Variants in NOC3L observed in about 807,000 individuals in gnomAD.
The protein encoded by NOC3L is NOC3 like DNA replication regulator, also known as nucleolar complex protein 3 homolog.
NOC3L carries 85 observed loss-of-function variants against 102.5 expected under a neutral mutation model. The ratio of observed to expected loss-of-function variants is 0.83; its 90% confidence interval spans 0.70 to 0.99. The LOEUF (loss-of-function observed/expected upper bound fraction) is 0.99. Ranked by LOEUF, NOC3L falls within the 50% of genes least tolerant of loss-of-function variation. The pLI is 0.00. For synonymous variants in NOC3L, 303 were observed against 309.4 expected, an observed-to-expected ratio of 0.98 and a Z score of 0.22; for missense variants, 878 against 914.9, an observed-to-expected ratio of 0.96 and a Z score of 0.52.
chr10:94,338,601 C>A lies in NOC3L; in HGVS notation c.2091+7G>T. 1 of 1,519,622 alleles carries A rather than the reference C, an allele frequency of 6.6e-7. No homozygotes were observed. Among genetic ancestry groups the A allele is most frequent in the Non-Finnish European group, 8.9e-7 (1 of 1,128,402 alleles). 94.1% of individuals were successfully genotyped at this position (1,519,622 alleles called of 1,614,324 possible). On this transcript the variant is annotated splice_region_variant and intron_variant, in intron 18 of 20. Coordinates refer to ENST00000371361, the MANE Select transcript of NOC3L (RefSeq NM_022451.11). Reference sequence around the variant, plus strand: ...CCCAAAAAGAAAAAAACCAGGGCCACTCTTACCCGCAGAGCATGCAGTTCC... The same window carrying A: ...CCCAAAAAGAAAAAAACCAGGGCCAATCTTACCCGCAGAGCATGCAGTTCC...
rs138862117 is a variant in NOC3L, at chr10:94,360,024, A to C, written c.217+1641T>G. On this transcript the variant is annotated intron_variant, in intron 2 of 20. Transcript: ENST00000371361. ...GTGTTCATAAACAGATGAATGGATA[A>C]AGAAAATACGGGGCCAGGCGCGGTG... is the stretch of plus-strand genomic sequence containing the variant. 7.3e-3 allele frequency among the ~76,000 whole-genome samples: 1,110 copies of C among 152,318 alleles called. 7 individuals are homozygous for C. The highest frequency in any genetic ancestry group is 0.011 in the Non-Finnish European group (765 of 68,018).
Position 94,340,450 on chromosome 10 carries a change from T to A in NOC3L, c.1691A>T (p.His564Leu). ...TATCATACCTTGTCCAGAAAGAATA[T>A]GAAAAGCAGTCTGGACACAGTGAAG... ...ESLHCVQTAF[H>L]ILSGQGDVLN... Residue 564 changes from histidine to leucine, a missense_variant, in exon 15 of 21, where the codon CAT becomes CTT. Transcript: ENST00000371361. The A allele has an allele frequency of 1.4e-6, 2 of 1,384,078 alleles. No individual in the cohort carries two copies. The highest frequency in any genetic ancestry group is 1.9e-6 in the Non-Finnish European group (2 of 1,040,872). 85.7% of individuals were successfully genotyped at this position (1,384,078 alleles called of 1,614,324 possible).
At chr10:94,359,125 T>C (rs1228525113) in intron 2 of NOC3L, among the ~76,000 whole-genome samples, 1 of 152,102 alleles carries the variant, frequency 6.6e-6, no homozygotes, top group African/African-American at 2.4e-5. Flanking sequence ...TCCTGACCCA[T>C]TAAAACTCGT....
intron 2 of NOC3L, 31 bp from the exon 3 acceptor site, chr10:94,358,246 A>C (rs1207788625): frequency 8.8e-7 from 1 of 1,134,112 alleles, no homozygotes; most frequent in Non-Finnish European, 1.3e-6. Flanking sequence ...CACAAAGAAA[A>C]ATTAGAAACA....
intron 13 of NOC3L, 49 bp from the exon 14 acceptor site, chr10:94,341,794 G>A (rs746345421): frequency 1.8e-6 from 2 of 1,102,574 alleles, no homozygotes; most frequent in South Asian, 3.2e-5. Context: ...CAGAAATAAA[G>A]CTGGTAGAAA....
chr10:94,331,177 G>C (rs1306031285), downstream of NOC3L: 1 of 152,220 alleles, frequency 6.6e-6, no homozygotes, highest in Non-Finnish European at 1.5e-5. Flanking sequence ...AACAAAAGTT[G>C]AGTTACAAGT....
chr10:94,324,942 G>A, the NOC3L span: 354 of 1,614,052 alleles, frequency 2.2e-4, no homozygotes, highest in Non-Finnish European at 3.0e-4. Context: ...GTGAACTCAA[G>A]AAGCTCACCA....
chr10:94,340,302 T>C lies in NOC3L; in HGVS notation c.1754A>G (p.Tyr585Cys), dbSNP rs1232141910. ...IDPLKFYTHL[Y>C]KTLFKLHAGA... is the part of the protein sequence containing the mutation. ...TGCATGTAATTTGAACAGTGTTTTGTAGAGATGTGTGTAGAATTTCAATGG... is the reference window on the plus strand; with the variant it reads ...TGCATGTAATTTGAACAGTGTTTTGCAGAGATGTGTGTAGAATTTCAATGG... The change falls in exon 16 of 21, where the codon TAC becomes TGC. Residue 585 changes from tyrosine (Y) to cysteine (C), a missense_variant. Physicochemically the swap from Tyr to Cys is radical, Grantham distance 194 (BLOSUM62 -2). Transcript: ENST00000371361. 2 of 1,612,552 alleles carry C rather than the reference T, an allele frequency of 1.2e-6. No homozygotes were observed. Among genetic ancestry groups the C allele is most frequent in the Admixed American group, 3.3e-5 (2 of 60,012 alleles).
At chr10:94,361,095 T>C (rs1334896520) in intron 2 of NOC3L, among the ~76,000 whole-genome samples, 1 of 152,198 alleles carries the variant, frequency 6.6e-6, no homozygotes, top group Non-Finnish European at 1.5e-5. Flanking sequence ...CAAATAAGAA[T>C]ACCCTAAAAG....
At chr10:94,333,166 TA>T (rs2054178753), downstream of NOC3L, 1 of 152,200 alleles carries the variant, frequency 6.6e-6, no homozygotes, top group Non-Finnish European at 1.5e-5. Context: ...TTTCAAACAG[TA>T]AGAGATCTCT....
intron 2 of NOC3L, among the ~76,000 whole-genome samples, chr10:94,358,917 C>T (rs768764352): frequency 1.2e-4 from 19 of 152,144 alleles, no homozygotes; most frequent in Non-Finnish European, 2.1e-4. Context: ...CAGGCACTCA[C>T]ATCTAACAAA....
the NOC3L span, among the ~76,000 whole-genome samples, chr10:94,318,415 C>G: frequency 6.6e-6 from 1 of 152,210 alleles, no homozygotes; most frequent in African/African-American, 2.4e-5. Context: ...AAACCTCATA[C>G]TTGTGTATGA....
chr10:94,334,842 A>G, intron 19 of NOC3L, 124 bp from the exon 20 acceptor site: 2 of 685,800 alleles, frequency 2.9e-6, no homozygotes, highest in Non-Finnish European at 5.0e-6. Context: ...TTTGAAACTA[A>G]CCAACCAATC....
chr10:94,334,710 G>A lies in NOC3L; in HGVS notation c.2198C>T (p.Thr733Ile). The A allele has an allele frequency of 6.2e-7, 1 of 1,610,724 alleles. No homozygotes were observed. Among genetic ancestry groups the A allele is most frequent in the Non-Finnish European group, 8.5e-7 (1 of 1,178,240 alleles). Residue 733 changes from threonine to isoleucine, a missense_variant, in exon 20 of 21, where the codon ACT becomes ATT. Coordinates refer to ENST00000371361, the MANE Select transcript of NOC3L (RefSeq NM_022451.11). ...LKPELSRRSA[T>I]ELFEAYSMAE... Reference sequence around the variant, plus strand: ...CATGCTATATGCCTCAAAAAGTTCAGTAGCAGATCTAAATCACAAACACAA... The same window carrying A: ...CATGCTATATGCCTCAAAAAGTTCAATAGCAGATCTAAATCACAAACACAA...
At chr10:94,329,023 T>C (rs186035827), downstream of NOC3L, 100 of 152,332 alleles carry the variant, frequency 6.6e-4, no homozygotes, top group Admixed American at 1.7e-3. Context: ...ATATATTTAT[T>C]ATACATCGCT....
At chr10:94,325,007 A>G in the NOC3L span, 1 of 1,614,218 alleles carries the variant, frequency 6.2e-7, no homozygotes, top group South Asian at 1.1e-5. Context: ...TTGACCTCAG[A>G]AAGTATCCAA....
chr10:94,340,155 G>C, intron 16 of NOC3L, 121 bp downstream of exon 16: 1 of 846,126 alleles, frequency 1.2e-6, no homozygotes, highest in Non-Finnish European at 1.8e-6. Flanking sequence ...CAGATGCATG[G>C]CACTGGAAAG....
At chr10:94,338,767 T>G (rs781686651) in intron 17 of NOC3L, 31 bp from the exon 18 acceptor site, 26 of 1,596,866 alleles carry the variant, frequency 1.6e-5, no homozygotes, top group Admixed American at 1.7e-5. Context: ...AAGAATTGGT[T>G]AAATTAACAT....
chr10:94,358,531 AAC>A (rs2054515012), intron 2 of NOC3L, among the ~76,000 whole-genome samples: 1 of 152,252 alleles, frequency 6.6e-6, no homozygotes. Context: ...TTATTGTAAC[AAC>A]CAAAAACTAA....
Sources: gnomAD v4.1 joint callset for allele counts (sites outside exome capture counted in the v4.1 genomes callset) on GRCh38, gnomAD v4.1.1 for gene constraint, MANE v1.5 for transcripts, NCBI Gene and HGNC (gene_info 2026-07-23, HGNC 2026-07-21) for gene names.